The following DNAJC12 variants were observed in gnomAD, a reference collection of about 807,000 sequenced individuals.
The protein encoded by DNAJC12 is DnaJ heat shock protein family (Hsp40) member C12.
DNAJC12 carries 25 observed loss-of-function variants against 28.5 expected under a neutral mutation model. That is an observed-to-expected ratio of 0.88 (90% CI 0.64 to 1.22). The LOEUF is 1.22. Among genes scored for constraint, DNAJC12 ranks in the 50% most tolerant of loss-of-function variants. DNAJC12 has a pLI of 0.00. For missense variants in DNAJC12, 222 were observed against 231.7 expected, an observed-to-expected ratio of 0.96 and a Z score of 0.27; for synonymous variants, 77 against 80.6, an observed-to-expected ratio of 0.95 and a Z score of 0.24.
At chr10:67,801,783 T>C (rs1432373849) in intron 4 of DNAJC12, among the ~76,000 whole-genome samples, 3 of 120,062 alleles carry the variant, frequency 2.5e-5, no homozygotes, top group East Asian at 2.8e-4. Flanking sequence ...AGAGCAAAAC[T>C]CTGTTTCAAA....
chr10:67,819,291 C>G (rs866460188), intron 2 of DNAJC12, among the ~76,000 whole-genome samples: 2 of 151,454 alleles, frequency 1.3e-5, no homozygotes, highest in African/African-American at 4.9e-5. Context: ...CAAGAGATAG[C>G]GCCACTGTAC....
chr10:67,816,500 AC>A (rs1484930338), intron 2 of DNAJC12, among the ~76,000 whole-genome samples: 3 of 151,890 alleles, frequency 2.0e-5, no homozygotes, highest in Non-Finnish European at 4.4e-5. Context: ...CACATCAGTA[AC>A]AAAAATACCA....
At position 67,811,585 on chromosome 10, in the gene DNAJC12, C is replaced by T. The variant is rs369180417; in HGVS notation, c.236G>A (p.Arg79Gln). Residue 79 changes from arginine to glutamine, a missense_variant, in exon 3 of 5, where the codon CGA becomes CAA. By Grantham distance (43) the Arg-to-Gln change is conservative (BLOSUM62 1). Transcript: ENST00000225171. ...GAATGGCATCGACATCTGGCTCCTTCGCCAGTGGTCATAGCGGGCTCGACT... is the reference window on the plus strand; with the variant it reads ...GAATGGCATCGACATCTGGCTCCTTTGCCAGTGGTCATAGCGGGCTCGACT... ...EESRARYDHW[R>Q]RSQMSMPFQQ... 15 of 1,614,064 alleles carry T rather than the reference C, an allele frequency of 9.3e-6. No individual in the cohort carries two copies. In the African/African-American group the frequency reaches 1.5e-4, roughly 16 times the overall value.
intron 4 of DNAJC12, among the ~76,000 whole-genome samples, chr10:67,801,521 G>A (rs1841744184): frequency 6.6e-6 from 1 of 152,098 alleles, no homozygotes; most frequent in Non-Finnish European, 1.5e-5. Context: ...TGGATGCAAT[G>A]GCTCATGTCT....
chr10:67,805,946 A>G (rs1395392408), intron 3 of DNAJC12, among the ~76,000 whole-genome samples, 159 bp from the exon 4 acceptor site: 1 of 152,210 alleles, frequency 6.6e-6, no homozygotes, highest in Admixed American at 6.5e-5. Flanking sequence ...ATTAATCCAG[A>G]TATTAATTAA....
intron 4 of DNAJC12, among the ~76,000 whole-genome samples, chr10:67,802,562 A>C (rs990079191): frequency 2.6e-5 from 4 of 152,174 alleles, no homozygotes; most frequent in African/African-American, 9.7e-5. Context: ...ACCAAAGACC[A>C]TCCCATCTGT....
chr10:67,806,570 T>G (rs148377355), intron 3 of DNAJC12, among the ~76,000 whole-genome samples: 1,997 of 152,216 alleles, frequency 0.013, 26 homozygotes, highest in Non-Finnish European at 0.02. Context: ...ATGCTTGTAA[T>G]CCCAGCACTT....
intron 1 of DNAJC12, among the ~76,000 whole-genome samples, chr10:67,825,091 C>T (rs938716558): frequency 7.9e-5 from 12 of 152,144 alleles, no homozygotes; most frequent in Non-Finnish European, 1.8e-4. Context: ...AATTACATAA[C>T]ATCCATGTGT....
intron 3 of DNAJC12, chr10:67,811,109 C>G (rs1473260207): frequency 5.3e-6 from 1 of 190,126 alleles, no homozygotes; most frequent in Non-Finnish European, 9.9e-6. Context: ...TAATCAGATC[C>G]TGCCTTTTTA....
chr10:67,835,328 A>G (rs1020993120), intron 1 of DNAJC12, among the ~76,000 whole-genome samples: 1 of 152,204 alleles, frequency 6.6e-6, no homozygotes, highest in Non-Finnish European at 1.5e-5. Flanking sequence ...AATACAAATC[A>G]AGTAAAGGAA....
At position 67,802,744 on chromosome 10, in the gene DNAJC12, A is replaced by G. The variant is rs559612863; in HGVS notation, c.502+2839T>C. Among the ~76,000 whole-genome samples, 43 of 152,314 alleles carry G rather than the reference A, an allele frequency of 2.8e-4. 1 individual carries two copies. The South Asian group carries it at 8.5e-3, about 30-fold the overall frequency. The stretch of plus-strand genomic sequence containing the variant: ...TCATTCTGAATGTAAGGATTTAAAG[A>G]GAAGTCTCTTAATAATAAAAGTTAA... On this transcript the variant is annotated intron_variant, in intron 4 of 4. Coordinates refer to ENST00000225171, the MANE Select transcript of DNAJC12 (RefSeq NM_021800.3).
intron 1 of DNAJC12, among the ~76,000 whole-genome samples, chr10:67,826,778 A>ATT (rs1554885335): frequency 8.2e-6 from 1 of 122,640 alleles, no homozygotes; most frequent in East Asian, 2.2e-4. Flanking sequence ...AATGATATAT[A>ATT]ATATATATCA....
intron 1 of DNAJC12, among the ~76,000 whole-genome samples, chr10:67,831,269 A>G (rs553050667): frequency 1.2e-3 from 189 of 152,362 alleles, no homozygotes; most frequent in African/African-American, 4.3e-3. Context: ...ATATATGCAC[A>G]GATAATTAAC....
chr10:67,822,376 C>G (rs558947494), intron 2 of DNAJC12, among the ~76,000 whole-genome samples: 11 of 152,254 alleles, frequency 7.2e-5, no homozygotes, highest in Middle Eastern at 3.4e-3. Flanking sequence ...AAGGTAACCA[C>G]TAGATTTGAT....
intron 3 of DNAJC12, among the ~76,000 whole-genome samples, chr10:67,806,432 A>G (rs916800517): frequency 6.6e-6 from 1 of 152,188 alleles, no homozygotes. Context: ...TTCTCCAAAT[A>G]TAACCAGTCC....
chr10:67,827,780 T>C (rs1842052090), intron 1 of DNAJC12: 1 of 152,202 alleles, frequency 6.6e-6, no homozygotes, highest in Non-Finnish European at 1.5e-5. Context: ...GACTGTTATT[T>C]TCTTCTTTAT....
rs1359925446 is a variant in DNAJC12 at position 67,819,722 on chromosome 10, G to T, written c.157+3592C>A. On this transcript the variant is annotated intron_variant, in intron 2 of 4. Coordinates refer to ENST00000225171, the MANE Select transcript of DNAJC12 (RefSeq NM_021800.3). ...AGGAAGGAAGGAAGGAAGGAAGCAA[G>T]GAAGGAAGGAAGGAAGGAAGGAAGG... Among the ~76,000 whole-genome samples the T allele has an allele frequency of 1.2e-3, 21 of 17,080 alleles. 2 individuals are homozygous for T. Among genetic ancestry groups the T allele is most frequent in the African/African-American group, 4.4e-3 (19 of 4,316 alleles). The allele number at this position is 17,080 out of a possible 152,430, so 11.2% of individuals were successfully genotyped here.
At chr10:67,819,305 A>G (rs1841947844) in intron 2 of DNAJC12, among the ~76,000 whole-genome samples, 1 of 151,696 alleles carries the variant, frequency 6.6e-6, no homozygotes, top group Non-Finnish European at 1.5e-5. Flanking sequence ...ACTGTACTCC[A>G]GACTGGGCGA....
intron 1 of DNAJC12, among the ~76,000 whole-genome samples, chr10:67,826,507 A>G (rs896221426): frequency 6.9e-6 from 1 of 144,780 alleles, no homozygotes; most frequent in Non-Finnish European, 1.5e-5. Flanking sequence ...ATGCATATAT[A>G]TCATATATAT....
Sources: allele counts gnomAD v4.1 joint callset (sites outside exome capture counted in the v4.1 genomes callset), GRCh38; gene constraint gnomAD v4.1.1; transcripts MANE v1.5; gene names NCBI Gene and HGNC (gene_info 2026-07-23, HGNC 2026-07-21).